Variants in MBOAT2 observed in about 807,000 individuals in gnomAD.
The protein encoded by MBOAT2 is membrane-bound glycerophospholipid O-acyltransferase 2.
In MBOAT2, 28 loss-of-function variants were observed where a neutral mutation model predicts 63.4. The ratio of observed to expected loss-of-function variants is 0.44; its 90% CI spans 0.33 to 0.61. The LOEUF (loss-of-function observed/expected upper bound fraction) is 0.61, where lower values mean the gene tolerates loss of function less well. Among genes scored for constraint, MBOAT2 ranks in the 20% least tolerant of loss-of-function variants. MBOAT2 has a pLI of 0.03. For synonymous variants in MBOAT2, 211 were observed against 215.6 expected, an observed-to-expected ratio of 0.98 and a Z score of 0.19; for missense variants, 470 against 605.8, an observed-to-expected ratio of 0.78 and a Z score of 2.35.
chr2:8,975,339 T>C (rs1331124963), intron 1 of MBOAT2, among the ~76,000 whole-genome samples: 1 of 152,138 alleles, frequency 6.6e-6, no homozygotes, highest in Non-Finnish European at 1.5e-5. Context: ...TACGTGCTTA[T>C]ATTAAACCGT....
At chr2:8,976,093 T>C (rs1670797941) in intron 1 of MBOAT2, among the ~76,000 whole-genome samples, 3 of 152,118 alleles carry the variant, frequency 2.0e-5, no homozygotes, top group Admixed American at 1.3e-4. Flanking sequence ...CATCCATATG[T>C]TGTTAAAAAC....
chr2:8,949,841 G>C (rs1469712663), intron 2 of MBOAT2, among the ~76,000 whole-genome samples: 8 of 152,100 alleles, frequency 5.3e-5, no homozygotes, highest in Non-Finnish European at 1.2e-4. Flanking sequence ...GGTTCCATAT[G>C]AATTTTAGTA....
At position 8,940,286 on chromosome 2, in the gene MBOAT2, C is replaced by CT. The variant is rs549345579; in HGVS notation, c.299+2900dup. Among the ~76,000 whole-genome samples, 1,139 of 151,976 alleles carry CT rather than the reference C, an allele frequency of 7.5e-3. 4 individuals are homozygous for CT. Among genetic ancestry groups the CT allele is most frequent in the Non-Finnish European group, 0.012 (846 of 67,910 alleles). On this transcript the variant is annotated intron_variant, in intron 3 of 12. Transcript: ENST00000305997. ...TGCAATGACAGAACTTTTCCATTTTCTTTTTTTTCCTCTCTCTTTTTTTGA... is the reference window on the plus strand; with the variant it reads ...TGCAATGACAGAACTTTTCCATTTTCTTTTTTTTTCCTCTCTCTTTTTTTGA...
At chr2:8,864,547 C>T (rs562736742) in intron 9 of MBOAT2, among the ~76,000 whole-genome samples, 2 of 152,206 alleles carry the variant, frequency 1.3e-5, no homozygotes, top group African/African-American at 2.4e-5. Flanking sequence ...CTTTTGATGG[C>T]CTCCCTCTCA....
intron 3 of MBOAT2, among the ~76,000 whole-genome samples, chr2:8,918,353 G>A (rs1308731334): frequency 6.6e-6 from 1 of 152,166 alleles, no homozygotes; most frequent in Admixed American, 6.5e-5. Context: ...GAGGAAATGG[G>A]CACAGTGTGC....
At chr2:8,951,358 C>T (rs79422718) in intron 2 of MBOAT2, among the ~76,000 whole-genome samples, 335 of 152,252 alleles carry the variant, frequency 2.2e-3, no homozygotes, top group Admixed American at 0.014. Context: ...ACATGTGTCA[C>T]CACACCTGGC....
chr2:8,920,043 G>T (rs1666466181), intron 3 of MBOAT2, among the ~76,000 whole-genome samples: 1 of 152,170 alleles, frequency 6.6e-6, no homozygotes, highest in East Asian at 1.9e-4. Context: ...TGGGGTTACA[G>T]GCGTGTGCTA....
intron 3 of MBOAT2, among the ~76,000 whole-genome samples, chr2:8,938,584 T>TGCCGTGTTTCATGCC (rs1471451212): frequency 1.3e-5 from 2 of 151,622 alleles, no homozygotes; most frequent in East Asian, 1.9e-4. Flanking sequence ...CCACATTTCA[T>TGCCGTGTTTCATGCC]GCCGTGTTTC....
intron 8 of MBOAT2, among the ~76,000 whole-genome samples, chr2:8,869,329 G>C (rs1662141650): frequency 6.6e-6 from 1 of 151,160 alleles, no homozygotes; most frequent in Non-Finnish European, 1.5e-5. Context: ...TTTCAGGCAA[G>C]AGCTACCGCA....
intron 1 of MBOAT2, among the ~76,000 whole-genome samples, chr2:8,976,401 C>T (rs1239466290): frequency 1.3e-5 from 2 of 152,120 alleles, no homozygotes; most frequent in African/African-American, 4.8e-5. Flanking sequence ...GCATCCACAA[C>T]TGCTTAACTA....
intron 3 of MBOAT2, among the ~76,000 whole-genome samples, chr2:8,917,642 T>C (rs1198952730): frequency 6.6e-6 from 1 of 152,198 alleles, no homozygotes. Flanking sequence ...AGTGGGAGTG[T>C]AGAATGCTAC....
At chr2:8,873,458 T>G (rs1168955695) in intron 7 of MBOAT2, among the ~76,000 whole-genome samples, 158 bp from the exon 8 acceptor site, 1 of 152,186 alleles carries the variant, frequency 6.6e-6, no homozygotes, top group Non-Finnish European at 1.5e-5. Flanking sequence ...TTTAAAGTCT[T>G]CCATGGTCTC....
intron 3 of MBOAT2, among the ~76,000 whole-genome samples, chr2:8,936,822 GAAAAAA>G (rs758329603): frequency 7.2e-6 from 1 of 139,702 alleles, no homozygotes; most frequent in African/African-American, 2.7e-5. Context: ...AAAAAGAAAA[GAAAAAA>G]AAAGAAAGAA....
At chr2:8,929,635 G>C (rs754490560) in intron 3 of MBOAT2, among the ~76,000 whole-genome samples, 1 of 152,316 alleles carries the variant, frequency 6.6e-6, no homozygotes, top group East Asian at 1.9e-4. Context: ...TTACAGGCGT[G>C]AGCCACCGCA....
intron 4 of MBOAT2, among the ~76,000 whole-genome samples, chr2:8,896,238 C>CA (rs967667476): frequency 0.16 from 7,903 of 50,336 alleles, 707 homozygotes; most frequent in African/African-American, 0.29. Context: ...GACTCCGTCT[C>CA]AAAAAAAAAA....
At chr2:8,868,253 G>T (rs1662043919) in intron 9 of MBOAT2, among the ~76,000 whole-genome samples, 193 bp downstream of exon 9, 1 of 152,186 alleles carries the variant, frequency 6.6e-6, no homozygotes, top group Non-Finnish European at 1.5e-5. Flanking sequence ...GGCCTGAATT[G>T]CACCTATCTT....
intron 4 of MBOAT2, among the ~76,000 whole-genome samples, chr2:8,893,037 G>C (rs1664122090): frequency 6.9e-6 from 1 of 145,284 alleles, no homozygotes; most frequent in South Asian, 2.3e-4. Context: ...GTTGAAAAAA[G>C]ACTGTGGGGG....
chr2:8,869,286 A>G (rs1160979184), intron 8 of MBOAT2, among the ~76,000 whole-genome samples: 1 of 145,196 alleles, frequency 6.9e-6, no homozygotes, highest in Non-Finnish European at 1.5e-5. Context: ...GCCTCAGGCC[A>G]TCTTCCCACC....
Position 8,943,352 on chromosome 2 carries a change from T to G in MBOAT2, c.222-88A>C. ...AATTAAGCTAAAAAATACTTATGCATAACACAGTATTCCCAGAAAAAAAAA... is the reference window on the plus strand; with the variant it reads ...AATTAAGCTAAAAAATACTTATGCAGAACACAGTATTCCCAGAAAAAAAAA... On this transcript the variant is annotated intron_variant, in intron 2 of 12. Coordinates refer to ENST00000305997, the MANE Select transcript of MBOAT2 (RefSeq NM_138799.4). 7.2e-6 allele frequency: 5 copies of G among 695,958 alleles called. No individual in the cohort carries two copies. In the South Asian group the frequency reaches 1.3e-4, roughly 18 times the overall value. 43.1% of individuals were successfully genotyped at this position (695,958 alleles called of 1,614,324 possible).
Sources: gnomAD v4.1 joint callset for allele counts (sites outside exome capture counted in the v4.1 genomes callset) on GRCh38, gnomAD v4.1.1 for gene constraint, MANE v1.5 for transcripts, NCBI Gene and HGNC (gene_info 2026-07-23, HGNC 2026-07-21) for gene names.